Variants in UVRAG observed in about 807,000 individuals in gnomAD.
UVRAG encodes the protein UV radiation resistance-associated gene protein.
A neutral mutation model predicts 78.0 loss-of-function variants in UVRAG; 19 were observed. The observed-to-expected ratio is 0.24, with a 90% confidence interval of 0.17 to 0.36. The LOEUF is 0.36. Among genes scored for constraint, UVRAG ranks in the 10% least tolerant of loss-of-function variants. UVRAG has a pLI of 1.00. For synonymous variants in UVRAG, 323 were observed against 324.6 expected, an observed-to-expected ratio of 1.00 and a Z score of 0.05; for missense variants, 740 against 853.8, an observed-to-expected ratio of 0.87 and a Z score of 1.66.
intron 6 of UVRAG, among the ~76,000 whole-genome samples, chr11:75,954,133 G>C (rs1165667479): frequency 1.3e-5 from 2 of 152,090 alleles, no homozygotes; most frequent in Non-Finnish European, 2.9e-5. Context: ...GGTTTGAAAG[G>C]GGGGTGTTAT....
intron 3 of UVRAG, among the ~76,000 whole-genome samples, chr11:75,868,244 G>A (rs1019009073): frequency 5.9e-5 from 9 of 152,142 alleles, no homozygotes; most frequent in African/African-American, 1.7e-4. Context: ...ATACTGTTAC[G>A]GGACAAGAAA....
intron 11 of UVRAG, among the ~76,000 whole-genome samples, chr11:76,014,882 A>G (rs1379702449): frequency 6.6e-6 from 1 of 152,240 alleles, no homozygotes; most frequent in African/African-American, 2.4e-5. Context: ...TACGGGTTTC[A>G]GCAGAAGGAA....
intron 12 of UVRAG, among the ~76,000 whole-genome samples, chr11:76,028,060 A>C (rs1049224962): frequency 6.6e-6 from 1 of 152,164 alleles, no homozygotes; most frequent in Non-Finnish European, 1.5e-5. Context: ...TATTTTTCCA[A>C]CAGCATGTGC....
At chr11:75,911,290 C>T (rs138038624) in intron 5 of UVRAG, 9 of 164,660 alleles carry the variant, frequency 5.5e-5, no homozygotes, top group Middle Eastern at 2.4e-3. Context: ...CCTGAGTTGT[C>T]GGGATAGATT....
rs560041937 is a variant in UVRAG, at chr11:76,035,213, T to C, written c.1226+18233T>C. 3.3e-5 allele frequency among the ~76,000 whole-genome samples: 5 copies of C among 152,322 alleles called. No homozygotes were observed. The South Asian group carries it at 8.3e-4, about 25-fold the overall frequency. ...ACTTTTTAGAAGCCACCTCCTAATA[T>C]TGAATTTGCTGAGTCATGTTCTGTG... On this transcript the variant is annotated intron_variant, in intron 12 of 14. Transcript: ENST00000356136.
intron 3 of UVRAG, among the ~76,000 whole-genome samples, chr11:75,878,926 AGAGGG>A (rs1946878254): frequency 6.6e-6 from 1 of 150,824 alleles, no homozygotes; most frequent in Non-Finnish European, 1.5e-5. Context: ...AGGGAGAGGG[AGAGGG>A]AGAGGGAGAC....
rs111847422 is a variant in UVRAG, at chr11:76,081,920, A to T, written c.1305+16132A>T. Among the ~76,000 whole-genome samples the T allele has an allele frequency of 6.4e-3, 964 of 150,470 alleles. 17 individuals are homozygous for T. The highest frequency in any genetic ancestry group is 0.023 in the African/African-American group (919 of 40,618). ...GGGACGAATTTCACCAGCATGATGT[A>T]GAGTAAAAGAACCAAAGCAAAAAAA... On this transcript the variant is annotated intron_variant, in intron 13 of 14. Coordinates refer to ENST00000356136, the MANE Select transcript of UVRAG (RefSeq NM_003369.4).
At chr11:75,965,917 A>C (rs1949014117) in intron 7 of UVRAG, among the ~76,000 whole-genome samples, 1 of 145,086 alleles carries the variant, frequency 6.9e-6, no homozygotes, top group Non-Finnish European at 1.6e-5. Context: ...AATGTTGGAC[A>C]AAAAAAATAG....
intron 14 of UVRAG, among the ~76,000 whole-genome samples, chr11:76,122,107 T>C (rs1277551141): frequency 6.6e-6 from 1 of 152,172 alleles, no homozygotes; most frequent in Non-Finnish European, 1.5e-5. Flanking sequence ...ATTAAGGTGG[T>C]GAAATAGGAA....
chr11:75,904,460 G>C (rs748757917), intron 5 of UVRAG, among the ~76,000 whole-genome samples: 2 of 152,186 alleles, frequency 1.3e-5, no homozygotes, highest in African/African-American at 4.8e-5. Flanking sequence ...AACATCTGGT[G>C]AAGTTAGATG....
At chr11:76,018,639 C>T (rs755052301) in intron 12 of UVRAG, among the ~76,000 whole-genome samples, 1 of 152,170 alleles carries the variant, frequency 6.6e-6, no homozygotes, top group Non-Finnish European at 1.5e-5. Flanking sequence ...AATCTCTTGA[C>T]CTCATGATCC....
intron 5 of UVRAG, among the ~76,000 whole-genome samples, chr11:75,900,779 A>C (rs539926748): frequency 3.9e-5 from 6 of 152,362 alleles, no homozygotes; most frequent in African/African-American, 1.4e-4. Flanking sequence ...GAACAAAAAC[A>C]TCTTCATCTC....
chr11:75,962,989 G>C (rs749435422), intron 7 of UVRAG, among the ~76,000 whole-genome samples: 8 of 152,134 alleles, frequency 5.3e-5, no homozygotes, highest in Non-Finnish European at 1.2e-4. Flanking sequence ...TTTTTATGCT[G>C]CCTAGTCAAC....
chr11:75,968,977 A>G (rs975938837), intron 7 of UVRAG, among the ~76,000 whole-genome samples: 1 of 152,098 alleles, frequency 6.6e-6, no homozygotes, highest in African/African-American at 2.4e-5. Context: ...TTTTTTTCCA[A>G]TTATTTTTGT....
At position 76,028,633 on chromosome 11, in the gene UVRAG, A is replaced by C. The variant is rs541628337; in HGVS notation, c.1226+11653A>C. ...TTTAGTGGTCTGGATAAAAAAGTCA[A>C]ACCAGCCGCAACATTCCCATAAGCC... On this transcript the variant is annotated intron_variant, in intron 12 of 14. Transcript: ENST00000356136. 5.3e-5 allele frequency among the ~76,000 whole-genome samples: 8 copies of C among 152,288 alleles called. No homozygotes were observed. The East Asian group carries it at 1.5e-3, about 29-fold the overall frequency.
chr11:75,825,275 G>A (rs1945488192), intron 1 of UVRAG, among the ~76,000 whole-genome samples: 1 of 151,894 alleles, frequency 6.6e-6, no homozygotes, highest in Admixed American at 6.6e-5. Context: ...CACCCCACCT[G>A]GCTAATTTTT....
At chr11:75,844,115 C>T (rs916891883) in intron 1 of UVRAG, among the ~76,000 whole-genome samples, 1 of 152,122 alleles carries the variant, frequency 6.6e-6, no homozygotes, top group Non-Finnish European at 1.5e-5. Flanking sequence ...GTAGAGTTAA[C>T]TCTACTGAAC....
chr11:75,955,130 C>CTAAT (rs1416449114), intron 6 of UVRAG, among the ~76,000 whole-genome samples: 1 of 152,158 alleles, frequency 6.6e-6, no homozygotes, highest in Non-Finnish European at 1.5e-5. Context: ...CACAAAGGGC[C>CTAAT]TTACCTTGAT....
At chr11:75,867,815 C>A (rs1003685119) in intron 3 of UVRAG, among the ~76,000 whole-genome samples, 5 of 152,108 alleles carry the variant, frequency 3.3e-5, no homozygotes, top group African/African-American at 1.2e-4. Context: ...TTAAATATTA[C>A]AAAATTTTTT....
Sources: gnomAD v4.1 joint callset for allele counts (sites outside exome capture counted in the v4.1 genomes callset) on GRCh38, gnomAD v4.1.1 for gene constraint, MANE v1.5 for transcripts, NCBI Gene and HGNC (gene_info 2026-07-23, HGNC 2026-07-21) for gene names.